The following SEMA3E variants were observed in gnomAD, a reference collection of about 807,000 sequenced individuals.
SEMA3E encodes the protein semaphorin 3E.
In SEMA3E, 49 loss-of-function variants were observed where a neutral mutation model predicts 93.6. That is an observed-to-expected ratio of 0.52 (90% confidence interval 0.42 to 0.66). The LOEUF is 0.66. Among genes scored for constraint, SEMA3E ranks in the 30% least tolerant of loss-of-function variants. The probability of loss-of-function intolerance (pLI) is 0.00; values close to 1 mark genes in which losing one functional copy is unlikely to be tolerated. For synonymous variants in SEMA3E, 363 were observed against 330.7 expected (o/e 1.10, Z -1.06); for missense variants, 906 against 964.8 (o/e 0.94, Z 0.81).
At chr7:83,473,823 G>A (rs1327622132) in intron 2 of SEMA3E, among the ~76,000 whole-genome samples, 1 of 152,082 alleles carries the variant, frequency 6.6e-6, no homozygotes, top group Non-Finnish European at 1.5e-5. Flanking sequence ...GACAGGTGAG[G>A]TGGCTCATGC....
chr7:83,628,530 T>G (rs542896449), intron 1 of SEMA3E, among the ~76,000 whole-genome samples: 1 of 152,002 alleles, frequency 6.6e-6, no homozygotes, highest in African/African-American at 2.4e-5. Flanking sequence ...CTTTATTTAA[T>G]TAAGTTGATC....
intron 1 of SEMA3E, among the ~76,000 whole-genome samples, chr7:83,566,327 C>A (rs535746990): frequency 6.6e-6 from 1 of 152,110 alleles, no homozygotes; most frequent in Non-Finnish European, 1.5e-5. Context: ...TTCTTTTGCA[C>A]TAAACATATC....
chr7:83,442,308 G>T (rs1230931019), intron 4 of SEMA3E, among the ~76,000 whole-genome samples: 1 of 152,054 alleles, frequency 6.6e-6, no homozygotes, highest in Non-Finnish European at 1.5e-5. Context: ...ACCACATTTT[G>T]GATGCCGATC....
rs543486897 is a variant in SEMA3E at position 83,583,457 on chromosome 7, G to A, written c.115+64971C>T. Among the ~76,000 whole-genome samples the A allele has an allele frequency of 7.9e-4, 120 of 152,206 alleles. 1 individual carries two copies. The highest frequency in any genetic ancestry group is 2.8e-3 in the African/African-American group (116 of 41,548). ...AAATTAACTGTGAATCCATCCCTGT[G>A]CAAGAGCAAACATAGCTGGGGGCAT... On this transcript the variant is annotated intron_variant, in intron 1 of 16. Coordinates refer to ENST00000643230, the MANE Select transcript of SEMA3E (RefSeq NM_012431.3).
intron 1 of SEMA3E, among the ~76,000 whole-genome samples, chr7:83,552,784 G>A (rs1199421472): frequency 1.3e-5 from 2 of 152,056 alleles, no homozygotes; most frequent in Non-Finnish European, 2.9e-5. Flanking sequence ...CAAATTTGTG[G>A]TCAGACTGGT....
chr7:83,587,145 C>T (rs1019916529), intron 1 of SEMA3E, among the ~76,000 whole-genome samples: 2 of 151,980 alleles, frequency 1.3e-5, no homozygotes, highest in African/African-American at 4.8e-5. Context: ...AAATGTCAAC[C>T]GTACAAATAT....
chr7:83,426,399 A>AAAG (rs56019959), intron 4 of SEMA3E, among the ~76,000 whole-genome samples: 151,458 of 152,268 alleles, frequency 0.99, 75,326 homozygotes, highest in Middle Eastern at 1. Context: ...ACAGTCATAA[A>AAAG]AATAAAATAA....
intron 4 of SEMA3E, among the ~76,000 whole-genome samples, chr7:83,432,110 A>G (rs923477069): frequency 1.8e-4 from 27 of 152,252 alleles, no homozygotes; most frequent in Non-Finnish European, 3.2e-4. Context: ...CTAAGTGAAG[A>G]TGTCTCCAGA....
intron 4 of SEMA3E, among the ~76,000 whole-genome samples, chr7:83,464,720 A>T (rs13438118): frequency 0.4 from 39,174 of 98,896 alleles, 8,848 homozygotes; most frequent in East Asian, 0.8. Flanking sequence ...TATACGACAA[A>T]TGTTTCTTCT....
intron 15 of SEMA3E, among the ~76,000 whole-genome samples, chr7:83,386,385 A>G (rs1180454659): frequency 6.6e-6 from 1 of 152,048 alleles, no homozygotes. Context: ...TCACTACCAT[A>G]ATAGAAAGAG....
chr7:83,458,460 G>T (rs116231790), intron 4 of SEMA3E, among the ~76,000 whole-genome samples: 3,247 of 152,062 alleles, frequency 0.021, 126 homozygotes, highest in African/African-American at 0.073. Flanking sequence ...GAAATGAATG[G>T]CTAGAACTCA....
At chr7:83,508,911 T>A (rs2115637997) in intron 1 of SEMA3E, among the ~76,000 whole-genome samples, 1 of 152,300 alleles carries the variant, frequency 6.6e-6, no homozygotes, top group Non-Finnish European at 1.5e-5. Flanking sequence ...CTTTTTGATC[T>A]GATAATAGCA....
At chr7:83,411,935 T>C (rs1172177482) in intron 5 of SEMA3E, among the ~76,000 whole-genome samples, 1 of 152,198 alleles carries the variant, frequency 6.6e-6, no homozygotes, top group Non-Finnish European at 1.5e-5. Context: ...AGTCTTTATA[T>C]AGAGAAGAAA....
At chr7:83,632,860 G>A (rs544057697) in intron 1 of SEMA3E, among the ~76,000 whole-genome samples, 4 of 152,140 alleles carry the variant, frequency 2.6e-5, no homozygotes, top group Non-Finnish European at 5.9e-5. Flanking sequence ...TTGTCAGGCA[G>A]TAATCTCTCT....
chr7:83,424,893 C>T, intron 4 of SEMA3E: 1 of 277,620 alleles, frequency 3.6e-6, no homozygotes, highest in Non-Finnish European at 7.3e-6. Flanking sequence ...TACAGAGATG[C>T]CTACTCAGGA....
intron 4 of SEMA3E, among the ~76,000 whole-genome samples, chr7:83,425,495 G>A (rs1788751425): frequency 6.6e-6 from 1 of 152,054 alleles, no homozygotes; most frequent in Non-Finnish European, 1.5e-5. Context: ...GTACTCTGCT[G>A]CAAAGAGTCC....
chr7:83,419,997 G>GTCT (rs1788640952), intron 4 of SEMA3E, among the ~76,000 whole-genome samples: 1 of 152,108 alleles, frequency 6.6e-6, no homozygotes, highest in African/African-American at 2.4e-5. Flanking sequence ...AGAAAAAGAA[G>GTCT]TCAAACGATC....
At chr7:83,392,263 TATTG>T (rs1788033426) in intron 14 of SEMA3E, among the ~76,000 whole-genome samples, 1 of 152,156 alleles carries the variant, frequency 6.6e-6, no homozygotes, top group African/African-American at 2.4e-5. Context: ...AGAATTTCTT[TATTG>T]ATTTTCCTTT....
chr7:83,364,098 G>T lies in SEMA3E; in HGVS notation c.*3488C>A, dbSNP rs1250000648. The stretch of plus-strand genomic sequence containing the variant: ...TTTAGTAGAGACGGGGTTTCACCTT[G>T]TTAGCCAGGATGGTCTCGATCTCCT... On this transcript the variant is annotated 3_prime_UTR_variant, in exon 17 of 17. Coordinates refer to ENST00000643230, the MANE Select transcript of SEMA3E (RefSeq NM_012431.3). The T allele has an allele frequency of 6.6e-6, 1 of 150,674 alleles. No individual in the cohort carries two copies. Among genetic ancestry groups the T allele is most frequent in the East Asian group, 2.0e-4 (1 of 5,090 alleles). The allele number at this position is 150,674 out of a possible 1,614,324, so 9.3% of individuals were successfully genotyped here. A position where few individuals can be genotyped will look rare whatever the true frequency, so the allele number is the denominator to read the frequency against.
Sources: gnomAD v4.1 joint callset for allele counts (sites outside exome capture counted in the v4.1 genomes callset) on GRCh38, gnomAD v4.1.1 for gene constraint, MANE v1.5 for transcripts, NCBI Gene and HGNC (gene_info 2026-07-23, HGNC 2026-07-21) for gene names.